The following HS1BP3 variants were observed in gnomAD, a reference collection of about 807,000 sequenced individuals.
The protein encoded by HS1BP3 is HCLS1 binding protein 3, also known as HCLS1-binding protein 3.
A neutral mutation model predicts 33.5 loss-of-function variants in HS1BP3; 32 were observed. That is an observed-to-expected ratio of 0.95 (90% CI 0.72 to 1.28). The LOEUF is 1.28. HS1BP3 is among the 50% of genes most tolerant of loss of function. The pLI is 0.00. For missense variants in HS1BP3, 486 were observed against 502.3 expected (o/e 0.97, Z 0.31); for synonymous variants, 187 against 209.2 (o/e 0.89, Z 0.92).
intron 2 of HS1BP3, among the ~76,000 whole-genome samples, chr2:20,602,213 T>C (rs1055170877): frequency 4.6e-5 from 7 of 151,416 alleles, no homozygotes; most frequent in Admixed American, 4.6e-4. Context: ...GGAGGAGCCA[T>C]GCGGGGGGAA....
At chr2:20,640,008 G>A (rs940217743) in intron 3 of HS1BP3, 12 of 152,382 alleles carry the variant, frequency 7.9e-5, no homozygotes, top group Admixed American at 7.8e-4. Context: ...GCATTCACCA[G>A]TTTTGCTTCT....
the HS1BP3 span, among the ~76,000 whole-genome samples, chr2:20,554,024 C>T: frequency 3.3e-5 from 5 of 152,130 alleles, no homozygotes; most frequent in East Asian, 1.9e-4. Flanking sequence ...TGCCTGGCCC[C>T]GATCCCTAAT....
chr2:20,625,460 A>C (rs1694750346), intron 4 of HS1BP3, among the ~76,000 whole-genome samples: 1 of 152,220 alleles, frequency 6.6e-6, no homozygotes, highest in South Asian at 2.1e-4. Flanking sequence ...AGCCACTCAG[A>C]AATGGGGATG....
At chr2:20,578,723 G>C (rs1693459908) in intron 5 of HS1BP3, among the ~76,000 whole-genome samples, 1 of 152,226 alleles carries the variant, frequency 6.6e-6, no homozygotes. Flanking sequence ...ACATGCTCAT[G>C]ACAGCCCTGG....
intron 4 of HS1BP3, among the ~76,000 whole-genome samples, chr2:20,628,939 G>A (rs562288932): frequency 6.6e-6 from 1 of 152,320 alleles, no homozygotes; most frequent in South Asian, 2.1e-4. Context: ...GGAACAGGCT[G>A]AGAGTCAGTT....
the HS1BP3 span, among the ~76,000 whole-genome samples, chr2:20,555,436 C>T: frequency 1.3e-5 from 2 of 152,218 alleles, no homozygotes; most frequent in Admixed American, 1.3e-4. Context: ...TGTGGCCCTT[C>T]TCAGAGTAAG....
chr2:20,604,277 C>G (rs889336035), intron 2 of HS1BP3, among the ~76,000 whole-genome samples: 5 of 152,190 alleles, frequency 3.3e-5, no homozygotes, highest in Non-Finnish European at 5.9e-5. Context: ...TGGTCATTCA[C>G]CCCTCAGCTG....
chr2:20,609,435 C>T (rs139709494), intron 2 of HS1BP3, among the ~76,000 whole-genome samples: 315 of 108,284 alleles, frequency 2.9e-3, no homozygotes, highest in African/African-American at 0.011. Context: ...GGCCTGTTCT[C>T]GTGAGGCCTG....
chr2:20,603,478 G>T (rs1490349027), intron 2 of HS1BP3, among the ~76,000 whole-genome samples: 1 of 152,196 alleles, frequency 6.6e-6, no homozygotes, highest in African/African-American at 2.4e-5. Flanking sequence ...AAAGAAGTCA[G>T]AATTACCAAA....
intron 4 of HS1BP3, among the ~76,000 whole-genome samples, chr2:20,630,987 C>G (rs1694949861): frequency 6.6e-6 from 1 of 152,144 alleles, no homozygotes; most frequent in South Asian, 2.1e-4. Context: ...TGTAGGAGAA[C>G]TTGTATAGGA....
intron 4 of HS1BP3, among the ~76,000 whole-genome samples, chr2:20,631,516 CAAAAAAAAAAAAAA>C (rs529653146): frequency 0.047 from 2,960 of 63,228 alleles, 211 homozygotes; most frequent in African/African-American, 0.17. Context: ...GAACCTGTCT[CAAAAAAAAAAAAAA>C]AAAAAAAAAA....
At chr2:20,617,252 G>A (rs371711144), downstream of HS1BP3, among the ~76,000 whole-genome samples, 31 of 152,300 alleles carry the variant, frequency 2.0e-4, no homozygotes, top group African/African-American at 6.7e-4. Flanking sequence ...GAGACCTTCC[G>A]CTGCAGTCAG....
intron 5 of HS1BP3, among the ~76,000 whole-genome samples, chr2:20,566,821 G>A (rs1442587688): frequency 6.6e-6 from 1 of 151,964 alleles, no homozygotes; most frequent in African/African-American, 2.4e-5. Flanking sequence ...TGGCCAGGCT[G>A]GTCTCAAACT....
downstream of HS1BP3, among the ~76,000 whole-genome samples, chr2:20,615,977 G>C (rs998342399): frequency 6.6e-6 from 1 of 152,250 alleles, no homozygotes; most frequent in East Asian, 1.9e-4. Context: ...GAAGGCCCTA[G>C]GGACTTTCCA....
chr2:20,629,462 T>G (rs200546426), intron 4 of HS1BP3, among the ~76,000 whole-genome samples: 1 of 152,126 alleles, frequency 6.6e-6, no homozygotes, highest in Non-Finnish European at 1.5e-5. Context: ...TCTCCCTTCA[T>G]TGGAAGGACA....
chr2:20,588,124 TA>T (rs140336617), downstream of HS1BP3, among the ~76,000 whole-genome samples: 8,734 of 138,206 alleles, frequency 0.063, 201 homozygotes, highest in South Asian at 0.077. Context: ...TCCAAGATGT[TA>T]AAAAAAAAAA....
downstream of HS1BP3, among the ~76,000 whole-genome samples, chr2:20,555,916 C>G (rs1479009668): frequency 6.6e-6 from 1 of 152,184 alleles, no homozygotes; most frequent in African/African-American, 2.4e-5. Flanking sequence ...ACCTGACCAC[C>G]CATCCAGACC....
At chr2:20,647,789 C>A (rs1249184279) in intron 1 of HS1BP3, among the ~76,000 whole-genome samples, 1 of 152,134 alleles carries the variant, frequency 6.6e-6, no homozygotes, top group Non-Finnish European at 1.5e-5. Flanking sequence ...GCAGGATGTG[C>A]CCTAGACCAA....
Position 20,645,388 on chromosome 2 carries a change from A to G in HS1BP3, c.150T>C (p.Ala50=). 3 of 1,614,078 alleles carry G rather than the reference A, an allele frequency of 1.9e-6. No homozygotes were observed. The highest frequency in any genetic ancestry group is 2.5e-6 in the Non-Finnish European group (3 of 1,180,002). The change falls in exon 2 of 7, where the codon GCT becomes GCC. Residue 50 remains alanine, a synonymous_variant. Transcript: ENST00000304031. ...EYQILVVTRL[A]AFKSAKHRPE... is the part of the protein sequence containing the mutation. ...GCCTGTGCTTGGCCGACTTGAACGC[A>G]GCCAGACGGGTCACCACCAGGATCT...
Sources: allele counts gnomAD v4.1 joint callset (sites outside exome capture counted in the v4.1 genomes callset), GRCh38; gene constraint gnomAD v4.1.1; transcripts MANE v1.5; gene names NCBI Gene and HGNC (gene_info 2026-07-23, HGNC 2026-07-21).